The following PPARGC1A variants were observed in gnomAD, a reference collection of about 807,000 sequenced individuals.
PPARGC1A encodes the protein PPARG coactivator 1 alpha.
PPARGC1A carries 25 observed loss-of-function variants against 88.7 expected under a neutral mutation model. The observed-to-expected ratio is 0.28, with a 90% CI of 0.21 to 0.39. PPARGC1A has a LOEUF of 0.39. PPARGC1A is among the 10% of genes least tolerant of loss of function. PPARGC1A has a pLI of 1.00. For missense variants in PPARGC1A, 880 were observed against 968.7 expected, an observed-to-expected ratio of 0.91 and a Z score of 1.22; for synonymous variants, 363 against 355.6, an observed-to-expected ratio of 1.02 and a Z score of -0.24.
chr4:24,417,082 TC>T, the PPARGC1A span, among the ~76,000 whole-genome samples: 8 of 146,660 alleles, frequency 5.5e-5, no homozygotes, highest in Admixed American at 4.1e-4. Flanking sequence ...GGATAGGAAC[TC>T]AAGTAACAGT....
the PPARGC1A span, among the ~76,000 whole-genome samples, chr4:24,397,173 A>G: frequency 1.1e-4 from 17 of 152,230 alleles, no homozygotes; most frequent in African/African-American, 2.9e-4. Flanking sequence ...AGAGTAAATT[A>G]AAATATGACG....
chr4:24,265,639 G>A, the PPARGC1A span, among the ~76,000 whole-genome samples: 1 of 152,092 alleles, frequency 6.6e-6, no homozygotes, highest in Non-Finnish European at 1.5e-5. Context: ...CCTATGATTA[G>A]TCCAAAAATT....
chr4:24,332,496 G>C, the PPARGC1A span, among the ~76,000 whole-genome samples: 1 of 152,122 alleles, frequency 6.6e-6, no homozygotes, highest in Non-Finnish European at 1.5e-5. Flanking sequence ...ATAAACACTT[G>C]TTGAATGAAC....
the PPARGC1A span, among the ~76,000 whole-genome samples, chr4:24,366,037 C>T: frequency 6.6e-6 from 1 of 152,146 alleles, no homozygotes; most frequent in African/African-American, 2.4e-5. Context: ...CTAAACATTC[C>T]CTCACTCTCT....
the PPARGC1A span, among the ~76,000 whole-genome samples, chr4:24,471,920 AG>A: frequency 6.6e-6 from 1 of 151,944 alleles, no homozygotes. The surrounding 1 kb of genome is among the most constrained non-coding windows in gnomAD (Gnocchi z 5.4). Context: ...AGGGGAGTGG[AG>A]GGGGGACAGC....
At chr4:24,321,886 A>G in the PPARGC1A span, among the ~76,000 whole-genome samples, 1 of 152,222 alleles carries the variant, frequency 6.6e-6, no homozygotes, top group Non-Finnish European at 1.5e-5. Flanking sequence ...TTCACTTGCA[A>G]GGAGCAACTC....
At chr4:24,302,791 C>A in the PPARGC1A span, among the ~76,000 whole-genome samples, 1 of 152,158 alleles carries the variant, frequency 6.6e-6, no homozygotes, top group Non-Finnish European at 1.5e-5. Flanking sequence ...TCTGGGAAAC[C>A]AAGGGGTCCA....
In PPARGC1A at chr4:23,845,955, T is replaced by A. The variant is rs1293353497; in HGVS notation, c.235-14204A>T. Among the ~76,000 whole-genome samples the A allele has an allele frequency of 2.0e-5, 3 of 152,282 alleles. No individual in the cohort carries two copies. The East Asian group carries it at 5.8e-4, about 29-fold the overall frequency. On this transcript the variant is annotated intron_variant, in intron 2 of 12. Coordinates refer to ENST00000264867, the MANE Select transcript of PPARGC1A (RefSeq NM_013261.5). ...TCAATTCCAAATGCAGACTCATTCATGATTATCAGTGACTTATATGCATAT... is the reference window on the plus strand; with the variant it reads ...TCAATTCCAAATGCAGACTCATTCAAGATTATCAGTGACTTATATGCATAT...
At chr4:24,303,513 A>G in the PPARGC1A span, among the ~76,000 whole-genome samples, 1 of 152,216 alleles carries the variant, frequency 6.6e-6, no homozygotes, top group Non-Finnish European at 1.5e-5. Context: ...TACAAATCAA[A>G]ATTGTGTTAT....
the PPARGC1A span, among the ~76,000 whole-genome samples, chr4:24,287,206 C>T: frequency 1.6e-5 from 2 of 123,932 alleles, no homozygotes; most frequent in Admixed American, 1.6e-4. Context: ...CCAGTTGTGA[C>T]CAAAAAAAAA....
At chr4:24,029,828 G>GA in the PPARGC1A span, among the ~76,000 whole-genome samples, 54,445 of 151,942 alleles carry the variant, frequency 0.36, 10,089 homozygotes, top group East Asian at 0.52. Flanking sequence ...AATTACCAGA[G>GA]AAAACATCTC....
chr4:24,378,235 G>A, the PPARGC1A span, among the ~76,000 whole-genome samples: 1 of 152,110 alleles, frequency 6.6e-6, no homozygotes, highest in Non-Finnish European at 1.5e-5. Context: ...TACTCAGGAG[G>A]CTGAGGCAGG....
the PPARGC1A span, among the ~76,000 whole-genome samples, chr4:23,971,935 CAT>C: frequency 6.6e-6 from 1 of 151,678 alleles, no homozygotes; most frequent in Non-Finnish European, 1.5e-5. Flanking sequence ...TATATATATA[CAT>C]ATATTTTTTT....
the PPARGC1A span, among the ~76,000 whole-genome samples, chr4:24,239,126 C>T: frequency 6.6e-6 from 1 of 152,096 alleles, no homozygotes; most frequent in Non-Finnish European, 1.5e-5. Context: ...GAAGCTTGCA[C>T]TGGAAAGTCA....
At chr4:24,457,809 C>G in the PPARGC1A span, among the ~76,000 whole-genome samples, 2 of 152,044 alleles carry the variant, frequency 1.3e-5, no homozygotes, top group Non-Finnish European at 2.9e-5. Context: ...GTGATCCACC[C>G]GCCTTGGCCT....
the PPARGC1A span, among the ~76,000 whole-genome samples, chr4:24,184,530 C>T: frequency 3.3e-5 from 5 of 152,184 alleles, no homozygotes; most frequent in African/African-American, 1.2e-4. Context: ...ATGGTGCCTC[C>T]CCAGGCAGGA....
At chr4:24,265,407 A>G in the PPARGC1A span, among the ~76,000 whole-genome samples, 2 of 152,066 alleles carry the variant, frequency 1.3e-5, no homozygotes, top group African/African-American at 4.8e-5. Context: ...TAATTCCACT[A>G]TTTTCTGCAA....
chr4:24,287,433 T>C, the PPARGC1A span, among the ~76,000 whole-genome samples: 2 of 152,142 alleles, frequency 1.3e-5, no homozygotes, highest in Non-Finnish European at 2.9e-5. Context: ...ACCCTTTGGT[T>C]ATTTGAAGCC....
the PPARGC1A span, among the ~76,000 whole-genome samples, chr4:23,942,258 G>A: frequency 3.3e-5 from 5 of 152,118 alleles, no homozygotes; most frequent in Admixed American, 3.3e-4. Flanking sequence ...AAGAAATAAG[G>A]TGAGTGAGTC....
Sources: gnomAD v4.1 joint callset for allele counts (sites outside exome capture counted in the v4.1 genomes callset) on GRCh38, gnomAD v4.1.1 for gene constraint, Gnocchi (gnomAD v3.1) non-coding constraint, MANE v1.5 for transcripts, NCBI Gene and HGNC (gene_info 2026-07-23, HGNC 2026-07-21) for gene names.